EFCAB13: variants seen among roughly 807,000 people sequenced by gnomAD.
The protein encoded by EFCAB13 is EF-hand calcium-binding domain-containing protein 13.
In EFCAB13, 91 loss-of-function variants were observed where a neutral mutation model predicts 110.2. The ratio of observed to expected loss-of-function variants is 0.83; its 90% CI spans 0.70 to 0.98. The LOEUF is 0.98. Among genes scored for constraint, EFCAB13 ranks in the 50% least tolerant of loss-of-function variants. The pLI is 0.00. For missense variants in EFCAB13, 968 were observed against 1,119.4 expected, an observed-to-expected ratio of 0.86 and a Z score of 1.93; for synonymous variants, 323 against 369.9, an observed-to-expected ratio of 0.87 and a Z score of 1.45.
chr17:47,409,627 GTCTC>G lies in EFCAB13; in HGVS notation c.2234-14_2234-11del, dbSNP rs1228998124. On this transcript the variant is annotated splice_polypyrimidine_tract_variant and intron_variant, in intron 20 of 24. Coordinates refer to ENST00000331493, the MANE Select transcript of EFCAB13 (RefSeq NM_152347.5). The stretch of plus-strand genomic sequence containing the variant: ...AGGATGCCATTCCTCATTGTGTAAT[GTCTC>G]TCTCTAAATTTGCAGATTTCAGGAA... 1.3e-6 allele frequency: 2 copies of G among 1,596,230 alleles called. No individual in the cohort carries two copies. The highest frequency in any genetic ancestry group is 2.2e-5 in the South Asian group (2 of 90,570).
intron 9 of EFCAB13, among the ~76,000 whole-genome samples, chr17:47,351,305 G>GTGTGTGTGTGTGTGTGCGCGCGCGCA (rs748940130): frequency 2.7e-5 from 3 of 113,176 alleles, no homozygotes; most frequent in Non-Finnish European, 5.8e-5. Flanking sequence ...GTGTGTGTGT[G>GTGTGTGTGTGTGTGTGCGCGCGCGCA]CGCGCGCGCG....
chr17:47,377,757 T>G lies in EFCAB13; in HGVS notation c.1373-9T>G, dbSNP rs1295728405. 3 of 1,559,820 alleles carry G rather than the reference T, an allele frequency of 1.9e-6. No individual in the cohort carries two copies. The highest frequency in any genetic ancestry group is 2.6e-6 in the Non-Finnish European group (3 of 1,160,754). ...TTGCCTAATAGTTCTCTACATTTTG[T>G]GTATTTAGAAAACTTCTGTGAAGCT... On this transcript the variant is annotated splice_polypyrimidine_tract_variant and intron_variant, in intron 12 of 24. Coordinates refer to ENST00000331493, the MANE Select transcript of EFCAB13 (RefSeq NM_152347.5).
chr17:47,438,684 C>T (rs1229143068), intron 24 of EFCAB13, among the ~76,000 whole-genome samples: 2 of 151,800 alleles, frequency 1.3e-5, no homozygotes, highest in Non-Finnish European at 2.9e-5. Flanking sequence ...TGACTATTTC[C>T]CCCTTCACTT....
intron 24 of EFCAB13, 75 bp downstream of exon 24, chr17:47,430,036 T>G: frequency 6.9e-7 from 1 of 1,456,934 alleles, no homozygotes; most frequent in Admixed American, 2.1e-5. Context: ...GGGTAGGACA[T>G]GCAGGGATGG....
intron 6 of EFCAB13, among the ~76,000 whole-genome samples, chr17:47,342,987 T>G (rs919334686): frequency 1.8e-4 from 27 of 152,268 alleles, no homozygotes; most frequent in African/African-American, 6.3e-4. Context: ...AAATATGCCC[T>G]GTGTCATGTT....
At chr17:47,414,780 G>T in intron 22 of EFCAB13, 68 bp from the exon 23 acceptor site, 1 of 995,746 alleles carries the variant, frequency 1.0e-6, no homozygotes, top group Non-Finnish European at 1.5e-6. Flanking sequence ...TTGTAAATCG[G>T]TCTTTATTTC....
chr17:47,428,718 T>C (rs1905041188), intron 23 of EFCAB13, among the ~76,000 whole-genome samples: 1 of 152,150 alleles, frequency 6.6e-6, no homozygotes, highest in African/African-American at 2.4e-5. Context: ...CTTTATAGCA[T>C]TCACAAAATA....
rs72829644 is a variant in EFCAB13 at position 47,431,524 on chromosome 17, T to C, written c.2638+1563T>C. On this transcript the variant is annotated intron_variant, in intron 24 of 24. Coordinates refer to ENST00000331493, the MANE Select transcript of EFCAB13 (RefSeq NM_152347.5). This position sits in a 1 kb window ranked among gnomAD's most constrained non-coding sequence, Gnocchi z 4.1. ...ATTTTTCTGATTTCTGTTGTCATTT[T>C]TTCTTCAACTCATGGTTTTAGAGGT... 0.084 allele frequency among the ~76,000 whole-genome samples: 12,733 copies of C among 152,124 alleles called. 700 individuals carry two copies. Among genetic ancestry groups the C allele is most frequent in the East Asian group, 0.28 (1,471 of 5,174 alleles).
chr17:47,406,177 A>G (rs957770445), intron 20 of EFCAB13, among the ~76,000 whole-genome samples: 1 of 152,124 alleles, frequency 6.6e-6, no homozygotes, highest in Non-Finnish European at 1.5e-5. Flanking sequence ...CAGTGGAGCA[A>G]TCTTGGCTCA....
intron 24 of EFCAB13, among the ~76,000 whole-genome samples, chr17:47,438,498 C>G (rs997163559): frequency 1.1e-4 from 15 of 142,346 alleles, no homozygotes. Context: ...TAGTCTTATT[C>G]TTTTTTTTTT....
intron 24 of EFCAB13, among the ~76,000 whole-genome samples, chr17:47,439,588 G>C (rs906163411): frequency 6.6e-6 from 1 of 152,106 alleles, no homozygotes; most frequent in Non-Finnish European, 1.5e-5. Flanking sequence ...TAGTTACACT[G>C]TAGGCATGGA....
chr17:47,414,027 A>C (rs1303700484), intron 22 of EFCAB13, among the ~76,000 whole-genome samples: 1 of 152,262 alleles, frequency 6.6e-6, no homozygotes, highest in African/African-American at 2.4e-5. Flanking sequence ...CTCAGTTCCC[A>C]GTTAACTTTT....
intron 15 of EFCAB13, among the ~76,000 whole-genome samples, chr17:47,393,284 G>A (rs2065718204): frequency 6.6e-6 from 1 of 152,062 alleles, no homozygotes; most frequent in Non-Finnish European, 1.5e-5. Flanking sequence ...TGGTAAATAT[G>A]GTGAAAGTGG....
chr17:47,435,009 C>T (rs1407144044), intron 24 of EFCAB13, among the ~76,000 whole-genome samples: 1 of 152,018 alleles, frequency 6.6e-6, no homozygotes, highest in Non-Finnish European at 1.5e-5. Flanking sequence ...AACCCAAAAG[C>T]AAATGCAACC....
intron 10 of EFCAB13, among the ~76,000 whole-genome samples, chr17:47,366,593 G>T (rs557675526): frequency 6.6e-6 from 1 of 152,244 alleles, no homozygotes; most frequent in East Asian, 1.9e-4. Flanking sequence ...GTAGGAGGCT[G>T]TTTTGAGCTC....
chr17:47,372,026 A>G (rs865773901), intron 11 of EFCAB13, among the ~76,000 whole-genome samples: 2 of 152,188 alleles, frequency 1.3e-5, no homozygotes, highest in Non-Finnish European at 2.9e-5. Context: ...CATTTAATTG[A>G]TTCACAGTTC....
chr17:47,394,596 A>G (rs551154772), intron 16 of EFCAB13, among the ~76,000 whole-genome samples: 4 of 152,344 alleles, frequency 2.6e-5, no homozygotes, highest in South Asian at 2.1e-4. Context: ...GAAGTTCACC[A>G]TAAAGAAGTG....
intron 22 of EFCAB13, among the ~76,000 whole-genome samples, chr17:47,413,996 T>C (rs1322350550): frequency 6.6e-6 from 1 of 152,178 alleles, no homozygotes; most frequent in Non-Finnish European, 1.5e-5. Context: ...GTGTTAGTAC[T>C]CAATGCTTAG....
At chr17:47,375,117 CA>C (rs1257771116) in intron 12 of EFCAB13, 151 bp downstream of exon 12, 9 of 975,172 alleles carry the variant, frequency 9.2e-6, no homozygotes, top group Non-Finnish European at 1.1e-5. Flanking sequence ...TTTATAGAGA[CA>C]GGGTTACCCA....
Sources: gnomAD v4.1 joint callset for allele counts (sites outside exome capture counted in the v4.1 genomes callset) on GRCh38, gnomAD v4.1.1 for gene constraint, Gnocchi (gnomAD v3.1) non-coding constraint, MANE v1.5 for transcripts, NCBI Gene and HGNC (gene_info 2026-07-23, HGNC 2026-07-21) for gene names.